Variants in FAM83G observed in about 807,000 individuals in gnomAD.
FAM83G encodes the protein protein FAM83G.
A neutral mutation model predicts 61.5 loss-of-function variants in FAM83G; 38 were observed. The observed-to-expected ratio is 0.62, with a 90% CI of 0.48 to 0.81. FAM83G has a LOEUF of 0.81. FAM83G is among the 30% of genes least tolerant of loss of function. The pLI is 0.00. For missense variants in FAM83G, 989 were observed against 1,133.6 expected (o/e 0.87, Z 1.83); for synonymous variants, 470 against 476.1 (o/e 0.99, Z 0.17).
At position 19,000,073 on chromosome 17, in the gene FAM83G, G is replaced by A. The variant is rs145678818; in HGVS notation, c.522+3447C>T. 2.0e-5 allele frequency among the ~76,000 whole-genome samples: 3 copies of A among 152,330 alleles called. No homozygotes were observed. In the East Asian group the frequency reaches 5.8e-4, roughly 29 times the overall value. ...CTGCAGCCAAGTGAGGCCGGGGCTC[G>A]CCCCTCCCAGGCGTGATCTTACAAG... On this transcript the variant is annotated intron_variant, in intron 2 of 5. Coordinates refer to ENST00000388995, the MANE Select transcript of FAM83G (RefSeq NM_001039999.3). This position sits in a 1 kb window ranked among gnomAD's most constrained non-coding sequence, Gnocchi z 5.2.
chr17:18,997,126 A>G (rs1353667188), intron 2 of FAM83G, among the ~76,000 whole-genome samples: 1 of 152,250 alleles, frequency 6.6e-6, no homozygotes, highest in Non-Finnish European at 1.5e-5. Context: ...AGGCCTTCTG[A>G]GCACCAAATG....
Position 19,003,408 on chromosome 17 carries a change from G to T in FAM83G, c.522+112C>A. On this transcript the variant is annotated intron_variant, in intron 2 of 5. Transcript: ENST00000388995. This position sits in a 1 kb window ranked among gnomAD's most constrained non-coding sequence, Gnocchi z 4.5. ...AGAGGCAGCCAGGGAAAACAGCAGA[G>T]ATCCCTAGAAGCCCATGTTGGGCTC... 1 of 1,164,374 alleles carries T rather than the reference G, an allele frequency of 8.6e-7. No individual in the cohort carries two copies. Among genetic ancestry groups the T allele is most frequent in the Non-Finnish European group, 1.1e-6 (1 of 877,924 alleles). 72.1% of individuals were successfully genotyped at this position (1,164,374 alleles called of 1,614,324 possible). A position where few individuals can be genotyped will look rare whatever the true frequency, so the allele number is the denominator to read the frequency against.
intron 2 of FAM83G, among the ~76,000 whole-genome samples, chr17:18,990,764 C>G (rs773834695): frequency 1.3e-5 from 2 of 151,062 alleles, no homozygotes; most frequent in Admixed American, 1.3e-4. Flanking sequence ...GTAACAGGCA[C>G]GAGCTTATGC....
chr17:18,978,745 T>A lies in FAM83G; in HGVS notation c.921A>T (p.Ser307=). Residue 307 remains serine, a synonymous_variant, in exon 5 of 6, where the codon TCA becomes TCT. Coordinates refer to ENST00000388995, the MANE Select transcript of FAM83G (RefSeq NM_001039999.3). ...GGATGCCCTTGAGGCTCACACTGTG[T>A]GACATGAGGTACAGCTCCTGGAACT... ...DRQFQELYLM[S]HSVSLKGIPM... 6.2e-7 allele frequency: 1 copy of A among 1,612,842 alleles called. No individual in the cohort carries two copies. The highest frequency in any genetic ancestry group is 8.5e-7 in the Non-Finnish European group (1 of 1,179,998).
At position 18,969,134 on chromosome 17, in the gene FAM83G, T is replaced by C. The variant is rs546334206; in HGVS notation, c.*2225A>G. The C allele has an allele frequency of 6.2e-7, 1 of 1,614,080 alleles. No individual in the cohort carries two copies. The highest frequency in any genetic ancestry group is 1.7e-5 in the Admixed American group (1 of 60,020). On this transcript the variant is annotated 3_prime_UTR_variant, in exon 6 of 6. Transcript: ENST00000388995. ...CTCTCCACCATCCTCACGCTCGGCA[T>C]CACAGCCCTGTACACCATCGCAGGT...
At chr17:18,993,876 C>G (rs1269503288) in intron 2 of FAM83G, among the ~76,000 whole-genome samples, 1 of 152,202 alleles carries the variant, frequency 6.6e-6, no homozygotes, top group Non-Finnish European at 1.5e-5. Flanking sequence ...TCCCCACCCA[C>G]AAGGTTGTTG....
At chr17:18,989,258 C>G (rs2043349639) in intron 2 of FAM83G, among the ~76,000 whole-genome samples, 1 of 152,032 alleles carries the variant, frequency 6.6e-6, no homozygotes. Context: ...CTAGGCCACA[C>G]AGCAAGCTGG....
chr17:18,992,762 T>C (rs2043460964), intron 2 of FAM83G, among the ~76,000 whole-genome samples: 1 of 152,172 alleles, frequency 6.6e-6, no homozygotes, highest in African/African-American at 2.4e-5. Flanking sequence ...GTCTCTGATG[T>C]CCCTGCCGAG....
rs751963689 is a variant in FAM83G, at chr17:18,971,090, ACCACCTG to A, written c.*262_*268del. On this transcript the variant is annotated 3_prime_UTR_variant, in exon 6 of 6. Coordinates refer to ENST00000388995, the MANE Select transcript of FAM83G (RefSeq NM_001039999.3). This position sits in a 1 kb window ranked among gnomAD's most constrained non-coding sequence, Gnocchi z 5.5. Reference sequence around the variant, plus strand: ...CATTCCCTCCAGGACCATTGCCAACACCACCTGCCACCTGCCACGTACAGACGCCATG... The same window carrying A: ...CATTCCCTCCAGGACCATTGCCAACACCACCTGCCACGTACAGACGCCATG... 4 of 1,613,984 alleles carry A rather than the reference ACCACCTG, an allele frequency of 2.5e-6. No individual in the cohort carries two copies. In the East Asian group the frequency reaches 8.9e-5, roughly 36 times the overall value.
rs778537190 is a variant in FAM83G at position 18,971,475 on chromosome 17, G to A, written c.2356C>T (p.Pro786Ser). The A allele has an allele frequency of 2.5e-6, 4 of 1,614,034 alleles. No individual in the cohort carries two copies. The highest frequency in any genetic ancestry group is 2.5e-6 in the Non-Finnish European group (3 of 1,180,034). ...TTCGACTGAGACAGTTTGGAGTATG[G>A]GATTCCGAAGGGACTCGGATGCTCC... is the stretch of plus-strand genomic sequence containing the variant. ...TEEHPSPFGI[P>S]YSKLSQSKHL... is the part of the protein sequence containing the mutation. The change falls in exon 6 of 6, where the codon CCA becomes TCA. Residue 786 changes from proline (P) to serine (S), a missense_variant. By Grantham distance (74) the Pro-to-Ser change is moderately conservative (BLOSUM62 -1). Around this residue, in one of 3 missense-constraint regions of FAM83G, gnomAD observed 574 missense variants for 645.1 expected, o/e 0.89. Coordinates refer to ENST00000388995, the MANE Select transcript of FAM83G (RefSeq NM_001039999.3). The surrounding 1 kb of genome is among the most constrained non-coding windows in gnomAD (Gnocchi z 5.5).
chr17:18,990,797 G>A (rs1011064693), intron 2 of FAM83G, among the ~76,000 whole-genome samples: 27 of 160 alleles, frequency 0.17, no homozygotes, highest in Non-Finnish European at 0.093. Flanking sequence ...GGGGGAGCCT[G>A]GTGCTCCCCC....
At position 18,968,982 on chromosome 17, in the gene FAM83G, G is replaced by A; in HGVS notation, c.*2377C>T. The A allele has an allele frequency of 6.7e-7, 1 of 1,493,636 alleles. No homozygotes were observed. The highest frequency in any genetic ancestry group is 2.3e-5 in the East Asian group (1 of 43,030). 92.5% of individuals were successfully genotyped at this position (1,493,636 alleles called of 1,614,324 possible). A position where few individuals can be genotyped will look rare whatever the true frequency, so the allele number is the denominator to read the frequency against. Reference sequence around the variant, plus strand: ...GAGGCCCAGAGAGGGCCTTGCCCGAGGTCACCCAGGGAGTGGCTTGCTGGA... The same window carrying A: ...GAGGCCCAGAGAGGGCCTTGCCCGAAGTCACCCAGGGAGTGGCTTGCTGGA... On this transcript the variant is annotated 3_prime_UTR_variant, in exon 6 of 6. Transcript: ENST00000388995. The surrounding 1 kb of genome is among the most constrained non-coding windows in gnomAD (Gnocchi z 4.1).
rs567577104 is a variant in FAM83G at position 18,971,419 on chromosome 17, C to T, written c.2412G>A (p.Gln804=). 3 of 1,613,868 alleles carry T rather than the reference C, an allele frequency of 1.9e-6. No homozygotes were observed. Among genetic ancestry groups the T allele is most frequent in the East Asian group, 4.5e-5 (2 of 44,888 alleles). Residue 804 remains glutamine, a synonymous_variant, in exon 6 of 6, where the codon CAG becomes CAA. Transcript: ENST00000388995. The surrounding 1 kb of genome is among the most constrained non-coding windows in gnomAD (Gnocchi z 5.5). ...KHLKARTGGS[Q]WASSDSKRRA... ...TCCGTTTAGAATCCGATGAGGCCCA[C>T]TGGCTACCGCCCGTCCTGGCCTTTA... is the stretch of plus-strand genomic sequence containing the variant.
In FAM83G at chr17:19,003,863, G is replaced by T; in HGVS notation, c.179C>A (p.Ser60Ter). ...CAGGATGCGCTTGAGCTCCAGCTCC[G>T]AGAGGAAGTCTCGGATGTTCTCCCG... ...LKRENIRDFL[S>*]ELELKRILET... The change falls in exon 2 of 6, where the codon TCG becomes TAG. Residue 60 changes from serine to a stop codon, truncating the protein, a stop_gained. Transcript: ENST00000388995. LOFTEE classifies it high-confidence loss of function. This position sits in a 1 kb window ranked among gnomAD's most constrained non-coding sequence, Gnocchi z 4.5. 2.5e-6 allele frequency: 4 copies of T among 1,613,034 alleles called. No individual in the cohort carries two copies. The highest frequency in any genetic ancestry group is 2.2e-5 in the South Asian group (2 of 91,078).
At chr17:18,976,953 A>T in intron 5 of FAM83G, 1 of 1,613,316 alleles carries the variant, frequency 6.2e-7, no homozygotes, top group Non-Finnish European at 8.5e-7. Flanking sequence ...GGGCCTGATC[A>T]TCATGCCGGG....
chr17:18,979,733 G>T, intron 3 of FAM83G, 60 bp from the exon 4 acceptor site: 1 of 1,597,382 alleles, frequency 6.3e-7, no homozygotes, highest in Non-Finnish European at 8.5e-7. Flanking sequence ...ACAGGGCGAG[G>T]GGAGGACGGC....
intron 2 of FAM83G, among the ~76,000 whole-genome samples, chr17:18,992,043 C>T (rs11652364): frequency 1.3e-5 from 2 of 152,102 alleles, no homozygotes; most frequent in East Asian, 1.9e-4. Context: ...GAGCCAACAG[C>T]GAGCCTGCGC....
chr17:18,998,998 T>C (rs1406894013), intron 2 of FAM83G, among the ~76,000 whole-genome samples: 1 of 152,216 alleles, frequency 6.6e-6, no homozygotes, highest in African/African-American at 2.4e-5. Context: ...ACGCTTTTAC[T>C]GCCAGGCACG....
intron 2 of FAM83G, among the ~76,000 whole-genome samples, chr17:18,995,743 A>C (rs528418036): frequency 6.6e-6 from 1 of 152,156 alleles, no homozygotes; most frequent in Non-Finnish European, 1.5e-5. Flanking sequence ...CCCTGTCTCT[A>C]CTAAAAATAC....
Sources: gnomAD v4.1 joint callset for allele counts (sites outside exome capture counted in the v4.1 genomes callset) on GRCh38, gnomAD v4.1.1 for gene constraint, gnomAD v4.1.1 regional missense constraint, Gnocchi (gnomAD v3.1) non-coding constraint, MANE v1.5 for transcripts, NCBI Gene and HGNC (gene_info 2026-07-23, HGNC 2026-07-21) for gene names.